SHLD2: variants seen among roughly 807,000 people sequenced by gnomAD.
The protein encoded by SHLD2 is RINN1-REV7-interacting novel NHEJ regulator 2.
SHLD2 carries 30 observed loss-of-function variants against 73.2 expected under a neutral mutation model. The ratio of observed to expected loss-of-function variants is 0.41; its 90% CI spans 0.31 to 0.56. SHLD2 has a LOEUF of 0.56. SHLD2 is among the 20% of genes least tolerant of loss of function. The pLI, the probability that SHLD2 is intolerant of heterozygous loss-of-function variation, is 0.28. For missense variants in SHLD2, 745 were observed against 1,055.9 expected (o/e 0.71, Z 4.08); for synonymous variants, 285 against 370.1 (o/e 0.77, Z 2.64).
At chr10:87,156,729 G>A (rs550288855) in intron 3 of SHLD2, among the ~76,000 whole-genome samples, 5 of 152,200 alleles carry the variant, frequency 3.3e-5, no homozygotes, top group South Asian at 2.1e-4. Context: ...GAAATTTCTC[G>A]TCTGTTCCTT....
Position 87,117,909 on chromosome 10 carries a change from A to G in SHLD2, c.-6+20920A>G, listed in dbSNP as rs533513913. On this transcript the variant is annotated intron_variant, in intron 2 of 9. Coordinates refer to ENST00000298786, the MANE Select transcript of SHLD2 (RefSeq NM_001330112.2). Reference sequence around the variant, plus strand: ...AACCAGTTTTCTCGAGGGATATTCTATGAAAAAGTGGGTTCCATCATCCAA... The same window carrying G: ...AACCAGTTTTCTCGAGGGATATTCTGTGAAAAAGTGGGTTCCATCATCCAA... Among the ~76,000 whole-genome samples the G allele has an allele frequency of 2.6e-5, 4 of 152,366 alleles. No homozygotes were observed. In the East Asian group the frequency reaches 7.7e-4, roughly 29 times the overall value.
chr10:87,103,417 C>T (rs1413780081), intron 2 of SHLD2, among the ~76,000 whole-genome samples: 7 of 152,048 alleles, frequency 4.6e-5, no homozygotes, highest in African/African-American at 1.2e-4. Context: ...GGGTGGCATG[C>T]GCTTTGGTTC....
chr10:87,177,490 T>G (rs1414850178), intron 7 of SHLD2, among the ~76,000 whole-genome samples: 1 of 152,168 alleles, frequency 6.6e-6, no homozygotes, highest in Non-Finnish European at 1.5e-5. Context: ...AAATCAGTCC[T>G]TCAGAGGCTT....
chr10:87,170,184 GT>G (rs1173081634), intron 4 of SHLD2, among the ~76,000 whole-genome samples: 2 of 152,164 alleles, frequency 1.3e-5, no homozygotes, highest in Non-Finnish European at 2.9e-5. Flanking sequence ...GAAATTTTCT[GT>G]TTGGTTAATT....
At chr10:87,167,043 A>G (rs534246649) in intron 4 of SHLD2, among the ~76,000 whole-genome samples, 2 of 152,260 alleles carry the variant, frequency 1.3e-5, no homozygotes, top group South Asian at 4.1e-4. Flanking sequence ...TGTTGATAGA[A>G]TAGAAGGGGA....
rs533725621 is a variant in SHLD2, at chr10:87,101,289, G to A, written c.-6+4300G>A. On this transcript the variant is annotated intron_variant, in intron 2 of 9. Transcript: ENST00000298786. ...ACCCTTGTGTATATTTGGCTTAAATGTTTTAGGAGAATTGGCCTTTGAAAA... is the reference window on the plus strand; with the variant it reads ...ACCCTTGTGTATATTTGGCTTAAATATTTTAGGAGAATTGGCCTTTGAAAA... Among the ~76,000 whole-genome samples, 26 of 152,314 alleles carry A rather than the reference G, an allele frequency of 1.7e-4. 1 individual carries two copies. In the South Asian group the frequency reaches 5.0e-3, roughly 29 times the overall value.
intron 2 of SHLD2, among the ~76,000 whole-genome samples, chr10:87,125,943 A>T (rs1442471159): frequency 1.3e-5 from 2 of 152,012 alleles, no homozygotes; most frequent in East Asian, 3.9e-4. Flanking sequence ...AATAATAATA[A>T]TAATTCTCAG....
chr10:87,158,535 CT>C (rs1846593725), intron 4 of SHLD2, among the ~76,000 whole-genome samples: 1 of 152,090 alleles, frequency 6.6e-6, no homozygotes, highest in Admixed American at 6.6e-5. Context: ...TGAAGTTCTT[CT>C]GTGGAACTTC....
intron 7 of SHLD2, 139 bp from the exon 8 acceptor site, chr10:87,179,936 A>G (rs1848199790): frequency 2.9e-6 from 2 of 689,898 alleles, no homozygotes; most frequent in Non-Finnish European, 2.5e-6. Flanking sequence ...GGAAAATAGT[A>G]AAGAAGACGA....
chr10:87,180,050 T>C, intron 7 of SHLD2, 25 bp from the exon 8 acceptor site: 1 of 1,591,812 alleles, frequency 6.3e-7, no homozygotes, highest in Non-Finnish European at 8.6e-7. Flanking sequence ...CAATAATTTA[T>C]AATATATCTG....
chr10:87,112,670 A>G (rs1254903865), intron 2 of SHLD2, among the ~76,000 whole-genome samples: 6 of 151,466 alleles, frequency 4.0e-5, no homozygotes, highest in African/African-American at 1.5e-4. Context: ...AATAATAGAG[A>G]TACCAATTCA....
At chr10:87,188,289 G>A (rs1015286681) in intron 9 of SHLD2, among the ~76,000 whole-genome samples, 5 of 152,108 alleles carry the variant, frequency 3.3e-5, no homozygotes, top group African/African-American at 1.2e-4. Context: ...CAGCAGTAGG[G>A]GACCACTAAT....
At chr10:87,102,721 G>GA (rs530963344) in intron 2 of SHLD2, among the ~76,000 whole-genome samples, 308 of 151,956 alleles carry the variant, frequency 2.0e-3, no homozygotes, top group Non-Finnish European at 3.7e-3. Flanking sequence ...AAAACAAAAA[G>GA]AAAAAAATTT....
chr10:87,108,317 A>G (rs1049735730), intron 2 of SHLD2, among the ~76,000 whole-genome samples: 1 of 151,986 alleles, frequency 6.6e-6, no homozygotes, highest in Admixed American at 6.6e-5. Flanking sequence ...CCAAAGTGCT[A>G]GGATTACAGG....
chr10:87,162,555 G>T (rs931708888), intron 4 of SHLD2, among the ~76,000 whole-genome samples: 2 of 152,108 alleles, frequency 1.3e-5, no homozygotes, highest in Non-Finnish European at 1.5e-5. Context: ...TCAGCCCGGT[G>T]TGGTGGTGCA....
chr10:87,099,394 C>T (rs1438700876), intron 2 of SHLD2, among the ~76,000 whole-genome samples: 2 of 152,154 alleles, frequency 1.3e-5, no homozygotes, highest in Non-Finnish European at 2.9e-5. Context: ...TCAGTCTATT[C>T]TGGACTTTTC....
intron 2 of SHLD2, among the ~76,000 whole-genome samples, chr10:87,103,356 A>G (rs970646965): frequency 2.6e-5 from 4 of 152,186 alleles, no homozygotes; most frequent in Admixed American, 1.3e-4. Flanking sequence ...ATACTATGGA[A>G]ACAGCATAGG....
intron 2 of SHLD2, among the ~76,000 whole-genome samples, chr10:87,125,151 GC>G (rs1251671312): frequency 6.6e-6 from 1 of 152,138 alleles, no homozygotes; most frequent in African/African-American, 2.4e-5. Flanking sequence ...AATTTCTGAT[GC>G]TAGATGAAAC....
rs576390138 is a variant in SHLD2, at chr10:87,104,720, G to C, written c.-6+7731G>C. Among the ~76,000 whole-genome samples, 61 of 149,340 alleles carry C rather than the reference G, an allele frequency of 4.1e-4. 1 individual carries two copies. The South Asian group carries it at 0.013, about 31-fold the overall frequency. On this transcript the variant is annotated intron_variant, in intron 2 of 9. Transcript: ENST00000298786. Reference sequence around the variant, plus strand: ...CTGTCGCCCAGGCTGGAGAGGAGTGGCACAATCTCGGCTCGCTGCAACCTC... The same window carrying C: ...CTGTCGCCCAGGCTGGAGAGGAGTGCCACAATCTCGGCTCGCTGCAACCTC...
Sources: gnomAD v4.1 joint callset for allele counts (sites outside exome capture counted in the v4.1 genomes callset) on GRCh38, gnomAD v4.1.1 for gene constraint, MANE v1.5 for transcripts, NCBI Gene and HGNC (gene_info 2026-07-23, HGNC 2026-07-21) for gene names.